The following RGS6 variants were observed in gnomAD, a reference collection of about 807,000 sequenced individuals.
The protein encoded by RGS6 is regulator of G-protein signaling 6.
RGS6 carries 30 observed loss-of-function variants against 78.5 expected under a neutral mutation model. That is an observed-to-expected ratio of 0.38 (90% CI 0.29 to 0.52). RGS6 has a LOEUF of 0.52. Ranked by LOEUF, RGS6 falls within the 20% of genes least tolerant of loss-of-function variation. The pLI is 0.85. For synonymous variants in RGS6, 206 were observed against 206.0 expected (o/e 1.00, Z 0.00); for missense variants, 495 against 609.7 (o/e 0.81, Z 1.98).
In RGS6 at chr14:72,562,431, G is replaced by A. The variant is rs531270874; in HGVS notation, c.1437G>A (p.Ala479=). 1.6e-5 allele frequency: 25 copies of A among 1,612,902 alleles called. No individual in the cohort carries two copies. In the South Asian group the frequency reaches 1.6e-4, roughly 11 times the overall value. Residue 479 remains alanine (A), a synonymous_variant, in exon 18 of 18, where the codon GCG becomes GCA. Coordinates refer to ENST00000553525, the MANE Select transcript of RGS6 (RefSeq NM_001204424.2). ...TCTCTCTGCAGGGAAAGTCGCTGGC[G>A]GGCAAGCGCCTCACGGGCCTGATGC... ...KFTRSVGKSL[A]GKRLTGLMQS... is the part of the protein sequence containing the mutation.
At chr14:72,088,930 G>A (rs536252093) in intron 2 of RGS6, among the ~76,000 whole-genome samples, 20 of 152,234 alleles carry the variant, frequency 1.3e-4, no homozygotes, top group South Asian at 4.1e-4. Flanking sequence ...CTAGGTCTTC[G>A]CAAAGCTTAC....
At chr14:72,411,996 A>G (rs1025304820) in intron 3 of RGS6, among the ~76,000 whole-genome samples, 18 of 152,162 alleles carry the variant, frequency 1.2e-4, no homozygotes, top group South Asian at 6.3e-4. Flanking sequence ...TTTTTGCATC[A>G]GTGTTCATCA....
At chr14:72,505,985 T>C (rs957039376) in intron 13 of RGS6, among the ~76,000 whole-genome samples, 4 of 152,148 alleles carry the variant, frequency 2.6e-5, no homozygotes, top group Non-Finnish European at 5.9e-5. Flanking sequence ...TTGCTATGTG[T>C]TGGTTTGGGC....
At chr14:72,274,828 T>A (rs1454991315) in intron 2 of RGS6, among the ~76,000 whole-genome samples, 2 of 152,222 alleles carry the variant, frequency 1.3e-5, no homozygotes, top group Non-Finnish European at 2.9e-5. Flanking sequence ...ATCCGAGGAC[T>A]TCTGACCTCC....
At chr14:72,568,976 G>A (rs1421304736), downstream of RGS6, among the ~76,000 whole-genome samples, 1 of 152,216 alleles carries the variant, frequency 6.6e-6, no homozygotes, top group Non-Finnish European at 1.5e-5. Context: ...GAAGGGGTAG[G>A]AGGGATCAGG....
intron 2 of RGS6, among the ~76,000 whole-genome samples, chr14:72,139,439 T>C (rs2096502618): frequency 6.6e-6 from 1 of 152,242 alleles, no homozygotes. Context: ...ACCCACTTTC[T>C]GCTCAGGCGG....
At chr14:72,159,653 G>T (rs540340629) in intron 2 of RGS6, among the ~76,000 whole-genome samples, 2 of 152,258 alleles carry the variant, frequency 1.3e-5, no homozygotes, top group East Asian at 3.9e-4. Flanking sequence ...TCCATGTGTG[G>T]GTTTTATGAT....
chr14:72,459,139 C>T (rs759279510), intron 5 of RGS6, among the ~76,000 whole-genome samples: 3 of 152,126 alleles, frequency 2.0e-5, no homozygotes, highest in Non-Finnish European at 2.9e-5. Flanking sequence ...GTTGCCTTCT[C>T]GGAGTGAAGT....
At chr14:72,516,102 T>G (rs946680099) in intron 14 of RGS6, among the ~76,000 whole-genome samples, 2 of 152,248 alleles carry the variant, frequency 1.3e-5, no homozygotes, top group Non-Finnish European at 2.9e-5. Flanking sequence ...TCTGGACATT[T>G]GACCCCTTCT....
intron 3 of RGS6, among the ~76,000 whole-genome samples, chr14:72,441,994 C>G (rs1261372409): frequency 6.6e-6 from 1 of 152,172 alleles, no homozygotes; most frequent in Non-Finnish European, 1.5e-5. Context: ...CCATGAGGCC[C>G]AGCCATGGGG....
chr14:72,037,576 T>G (rs1226702935), intron 2 of RGS6, among the ~76,000 whole-genome samples: 1 of 152,174 alleles, frequency 6.6e-6, no homozygotes, highest in East Asian at 1.9e-4. Context: ...AGTATGAGAT[T>G]TAGGTCAAGG....
At chr14:71,880,180 T>A in the RGS6 span, among the ~76,000 whole-genome samples, 1 of 152,214 alleles carries the variant, frequency 6.6e-6, no homozygotes, top group Non-Finnish European at 1.5e-5. Context: ...AGCAGAAATT[T>A]CTAAGCAGCA....
At chr14:72,324,888 G>A (rs1218718911) in intron 2 of RGS6, among the ~76,000 whole-genome samples, 1 of 152,156 alleles carries the variant, frequency 6.6e-6, no homozygotes, top group South Asian at 2.1e-4. Context: ...GGATGGCTGG[G>A]TCAAATGGTA....
intron 2 of RGS6, among the ~76,000 whole-genome samples, chr14:72,225,629 A>G (rs570032796): frequency 1.3e-5 from 2 of 152,212 alleles, no homozygotes; most frequent in African/African-American, 4.8e-5. Context: ...ACGCCCAGCC[A>G]AAAACCATTC....
At chr14:71,890,358 C>G in the RGS6 span, among the ~76,000 whole-genome samples, 5 of 133,008 alleles carry the variant, frequency 3.8e-5, no homozygotes, top group Non-Finnish European at 6.3e-5. Context: ...GTGCATAAGA[C>G]AGAGAGAGAG....
At chr14:72,225,862 TA>T (rs1194884946) in intron 2 of RGS6, among the ~76,000 whole-genome samples, 1 of 152,240 alleles carries the variant, frequency 6.6e-6, no homozygotes, top group Non-Finnish European at 1.5e-5. Flanking sequence ...TATTCTCCAA[TA>T]TTTATGTATA....
At position 72,193,351 on chromosome 14, in the gene RGS6, G is replaced by A. The variant is rs955966471; in HGVS notation, c.85-158744G>A. Among the ~76,000 whole-genome samples, 6 of 152,302 alleles carry A rather than the reference G, an allele frequency of 3.9e-5. No homozygotes were observed. In the East Asian group the frequency reaches 1.2e-3, roughly 29 times the overall value. ...GGGTGAAAGGACAGGCCTTGGAAAT[G>A]TTGCATTAGTAGCAACTGCTCCCTC... On this transcript the variant is annotated intron_variant, in intron 2 of 17. Transcript: ENST00000553525.
chr14:72,181,553 C>T (rs1295197914), intron 2 of RGS6, among the ~76,000 whole-genome samples: 3 of 152,114 alleles, frequency 2.0e-5, no homozygotes, highest in Admixed American at 6.5e-5. Flanking sequence ...CTATGTATAC[C>T]ATGGAATGTG....
chr14:72,596,386 A>G, the RGS6 span, among the ~76,000 whole-genome samples: 4 of 152,170 alleles, frequency 2.6e-5, no homozygotes, highest in Non-Finnish European at 5.9e-5. Flanking sequence ...TAATCTTCCT[A>G]TCTTAAAGTC....
Sources: gnomAD v4.1 joint callset for allele counts (sites outside exome capture counted in the v4.1 genomes callset) on GRCh38, gnomAD v4.1.1 for gene constraint, MANE v1.5 for transcripts, NCBI Gene and HGNC (gene_info 2026-07-23, HGNC 2026-07-21) for gene names.